CDKAL1: variants seen among roughly 807,000 people sequenced by gnomAD.
CDKAL1 encodes CDKAL1 threonylcarbamoyladenosine tRNA methylthiotransferase, also known as threonylcarbamoyladenosine tRNA methylthiotransferase.
CDKAL1 carries 32 observed loss-of-function variants against 68.2 expected under a neutral mutation model. The observed-to-expected ratio is 0.47, with a 90% CI of 0.35 to 0.63. CDKAL1 has a LOEUF of 0.63. Ranked by LOEUF, CDKAL1 falls within the 30% of genes least tolerant of loss-of-function variation. CDKAL1 has a pLI of 0.00. For missense variants in CDKAL1, 606 were observed against 696.7 expected, an observed-to-expected ratio of 0.87 and a Z score of 1.47; for synonymous variants, 234 against 244.3, an observed-to-expected ratio of 0.96 and a Z score of 0.39.
At chr6:20,664,251 C>T (rs1177533922) in intron 5 of CDKAL1, among the ~76,000 whole-genome samples, 2 of 152,002 alleles carry the variant, frequency 1.3e-5, no homozygotes, top group Non-Finnish European at 2.9e-5. Flanking sequence ...CTCGCACGCT[C>T]AATGTAGATG....
intron 4 of CDKAL1, among the ~76,000 whole-genome samples, chr6:20,588,922 C>G (rs1765482205): frequency 1.3e-5 from 2 of 152,096 alleles, no homozygotes; most frequent in Admixed American, 1.3e-4. Context: ...GGATTATATA[C>G]TTGTTTATTT....
chr6:20,996,488 ATTG>A (rs1256355080), intron 10 of CDKAL1, among the ~76,000 whole-genome samples: 1 of 152,184 alleles, frequency 6.6e-6, no homozygotes, highest in Non-Finnish European at 1.5e-5. Flanking sequence ...TAATTTCAAT[ATTG>A]TTGTATCTCA....
chr6:20,989,111 A>T (rs907135076), intron 10 of CDKAL1, among the ~76,000 whole-genome samples: 28 of 152,102 alleles, frequency 1.8e-4, no homozygotes, highest in Non-Finnish European at 2.8e-4. Context: ...TTACTGGCAA[A>T]CAGTAATACG....
chr6:20,672,115 T>C (rs150543232), intron 5 of CDKAL1, among the ~76,000 whole-genome samples: 12 of 152,242 alleles, frequency 7.9e-5, no homozygotes, highest in African/African-American at 2.4e-4. Context: ...TAGTCCTTTC[T>C]TGTAGTCTGT....
At chr6:20,987,273 T>G (rs2150787220) in intron 10 of CDKAL1, among the ~76,000 whole-genome samples, 1 of 151,806 alleles carries the variant, frequency 6.6e-6, no homozygotes, top group Non-Finnish European at 1.5e-5. Flanking sequence ...TTTTTTTTTT[T>G]TTTTTTTGAG....
At chr6:21,195,477 T>TTTATTTA (rs1562107776) in intron 13 of CDKAL1, among the ~76,000 whole-genome samples, 29 of 118,590 alleles carry the variant, frequency 2.4e-4, no homozygotes, top group East Asian at 1.2e-3. Context: ...GAGATGTTTT[T>TTTATTTA]TTTATTTATT....
chr6:20,801,845 A>C (rs529032440), intron 8 of CDKAL1, among the ~76,000 whole-genome samples: 1 of 152,202 alleles, frequency 6.6e-6, no homozygotes, highest in Non-Finnish European at 1.5e-5. Flanking sequence ...CTTTGTCCCT[A>C]TAGTGATGGA....
intron 12 of CDKAL1, among the ~76,000 whole-genome samples, chr6:21,079,817 C>G (rs573320434): frequency 6.6e-6 from 1 of 152,302 alleles, no homozygotes; most frequent in Non-Finnish European, 1.5e-5. Context: ...AGCCCTCTTT[C>G]CTTGTCTGCT....
chr6:21,015,743 G>A (rs1212024320), intron 11 of CDKAL1, among the ~76,000 whole-genome samples: 9 of 151,854 alleles, frequency 5.9e-5, no homozygotes, highest in South Asian at 2.1e-4. Context: ...CCTGGCCAAC[G>A]TGACAAAACC....
At chr6:21,072,554 CAAAAAAAAA>C (rs71540611) in intron 12 of CDKAL1, among the ~76,000 whole-genome samples, 1,204 of 44,524 alleles carry the variant, frequency 0.027, 31 homozygotes, top group African/African-American at 0.093. Context: ...GACTCCGTCT[CAAAAAAAAA>C]AAAAAAAAAA....
intron 11 of CDKAL1, among the ~76,000 whole-genome samples, chr6:21,025,542 G>A (rs1165979931): frequency 3.3e-5 from 5 of 152,126 alleles, no homozygotes; most frequent in South Asian, 2.1e-4. Flanking sequence ...GAGGCATGTA[G>A]ATTTGGGGTT....
intron 5 of CDKAL1, among the ~76,000 whole-genome samples, chr6:20,706,952 G>T (rs1330309036): frequency 1.3e-5 from 2 of 152,028 alleles, no homozygotes; most frequent in East Asian, 1.9e-4. Context: ...AACAAATATT[G>T]GGGGTGAGGG....
intron 10 of CDKAL1, among the ~76,000 whole-genome samples, chr6:20,957,751 A>G (rs971127040): frequency 1.3e-5 from 2 of 152,088 alleles, no homozygotes; most frequent in African/African-American, 4.8e-5. Context: ...CAGGTGGATC[A>G]CTTGAGGTCA....
intron 4 of CDKAL1, among the ~76,000 whole-genome samples, chr6:20,643,311 G>A (rs146194085): frequency 1.5e-3 from 233 of 152,338 alleles, no homozygotes; most frequent in African/African-American, 5.3e-3. Context: ...AGATCAGAAG[G>A]TGTTAACCTC....
chr6:21,025,282 A>G lies in CDKAL1; in HGVS notation c.1055+24910A>G, dbSNP rs1021810769. 6.6e-5 allele frequency among the ~76,000 whole-genome samples: 10 copies of G among 152,262 alleles called. No individual in the cohort carries two copies. In the South Asian group the frequency reaches 1.7e-3, roughly 25 times the overall value. On this transcript the variant is annotated intron_variant, in intron 11 of 15. Coordinates refer to ENST00000274695, the MANE Select transcript of CDKAL1 (RefSeq NM_017774.3). ...GCTAAGATAATCTTTCATCAGTGTC[A>G]TTCATAGTCAAACACACTGTTTTTC...
At chr6:20,846,892 G>C (rs1285414394) in intron 9 of CDKAL1, among the ~76,000 whole-genome samples, 1 of 152,130 alleles carries the variant, frequency 6.6e-6, no homozygotes, top group Non-Finnish European at 1.5e-5. Flanking sequence ...TGTAACAGTG[G>C]TGTGTTTTTA....
intron 8 of CDKAL1, among the ~76,000 whole-genome samples, chr6:20,793,288 C>T (rs999223431): frequency 6.6e-6 from 1 of 152,106 alleles, no homozygotes; most frequent in Non-Finnish European, 1.5e-5. Flanking sequence ...AATTTTCCTA[C>T]CTTAATTCTC....
At chr6:21,138,858 A>C (rs1439480447) in intron 13 of CDKAL1, among the ~76,000 whole-genome samples, 1 of 152,130 alleles carries the variant, frequency 6.6e-6, no homozygotes, top group Non-Finnish European at 1.5e-5. Context: ...CCCGGAGAAC[A>C]CTGTAAAGTC....
At chr6:21,122,023 A>G (rs1462248930) in intron 13 of CDKAL1, among the ~76,000 whole-genome samples, 2 of 152,256 alleles carry the variant, frequency 1.3e-5, no homozygotes, top group African/African-American at 4.8e-5. Flanking sequence ...TCATTTTAAA[A>G]ATAACTAAGC....
Sources: gnomAD v4.1 joint callset for allele counts (sites outside exome capture counted in the v4.1 genomes callset) on GRCh38, gnomAD v4.1.1 for gene constraint, MANE v1.5 for transcripts, NCBI Gene and HGNC (gene_info 2026-07-23, HGNC 2026-07-21) for gene names.